The following HS3ST4 variants were observed in gnomAD, a reference collection of about 807,000 sequenced individuals.
HS3ST4 encodes heparan sulfate-glucosamine 3-sulfotransferase 4, also known as heparan sulfate glucosamine 3-O-sulfotransferase 4.
In HS3ST4, 17 loss-of-function variants were observed where a neutral mutation model predicts 29.2. The ratio of observed to expected loss-of-function variants is 0.58; its 90% CI spans 0.40 to 0.87. The LOEUF (loss-of-function observed/expected upper bound fraction) is 0.87, where lower values mean the gene tolerates loss of function less well. Ranked by LOEUF, HS3ST4 falls within the 40% of genes least tolerant of loss-of-function variation. HS3ST4 has a pLI of 0.00. For synonymous variants in HS3ST4, 314 were observed against 285.7 expected, an observed-to-expected ratio of 1.10 and a Z score of -1.00; for missense variants, 627 against 634.5, an observed-to-expected ratio of 0.99 and a Z score of 0.13.
intron 1 of HS3ST4, chr16:25,886,666 T>C (rs910060460): frequency 6.6e-6 from 1 of 152,224 alleles, no homozygotes; most frequent in African/African-American, 2.4e-5. Context: ...TTCAGGCAGA[T>C]GGAACAGCAT....
At chr16:26,027,299 GA>G (rs914117852) in intron 1 of HS3ST4, among the ~76,000 whole-genome samples, 1 of 152,148 alleles carries the variant, frequency 6.6e-6, no homozygotes, top group African/African-American at 2.4e-5. Flanking sequence ...CCATTCATAA[GA>G]AATTTCTGTG....
rs1218208149 is a variant in HS3ST4, at chr16:25,745,233, T to C, written c.734+52082T>C. Among the ~76,000 whole-genome samples, 2 of 151,814 alleles carry C rather than the reference T, an allele frequency of 1.3e-5. 1 individual carries two copies. Among genetic ancestry groups the C allele is most frequent in the Non-Finnish European group, 2.9e-5 (2 of 67,960 alleles). On this transcript the variant is annotated intron_variant, in intron 1 of 1. Transcript: ENST00000331351. ...GATGAAGGAGAGAATAATTGGAGAG[T>C]TGGGTCACTGGCAATCTTGGCCACA...
chr16:25,995,726 T>C (rs775750686), intron 1 of HS3ST4, among the ~76,000 whole-genome samples: 5 of 152,224 alleles, frequency 3.3e-5, no homozygotes, highest in Non-Finnish European at 7.3e-5. Context: ...ACTACAGTGA[T>C]CTTGAGGAAG....
rs62036320 is a variant in HS3ST4 at position 25,873,278 on chromosome 16, T to C, written c.734+180127T>C. Among the ~76,000 whole-genome samples, 167 of 110,436 alleles carry C rather than the reference T, an allele frequency of 1.5e-3. 2 individuals carry two copies. The highest frequency in any genetic ancestry group is 2.0e-3 in the East Asian group (5 of 2,466). 72.5% of individuals were successfully genotyped at this position (110,436 alleles called of 152,430 possible). On this transcript the variant is annotated intron_variant, in intron 1 of 1. Coordinates refer to ENST00000331351, the MANE Select transcript of HS3ST4 (RefSeq NM_006040.3). ...GCCATCCATCCATCCATTTGTCCAT[T>C]CATCCATCCATCCATCCATCCATCC...
intron 1 of HS3ST4, among the ~76,000 whole-genome samples, chr16:25,765,704 AGTC>A (rs1966813776): frequency 6.6e-6 from 1 of 152,150 alleles, no homozygotes; most frequent in Non-Finnish European, 1.5e-5. Flanking sequence ...TGCTTAACTT[AGTC>A]GCATCACCTG....
chr16:26,118,209 G>T (rs1203815241), intron 1 of HS3ST4, among the ~76,000 whole-genome samples: 2 of 152,134 alleles, frequency 1.3e-5, no homozygotes, highest in African/African-American at 2.4e-5. Flanking sequence ...GGGACCACAG[G>T]TGCACACCAT....
At chr16:25,850,510 AT>A (rs1334393160) in intron 1 of HS3ST4, among the ~76,000 whole-genome samples, 2 of 152,176 alleles carry the variant, frequency 1.3e-5, no homozygotes, top group Non-Finnish European at 2.9e-5. Context: ...TTACTTCTAA[AT>A]TCTGGCTCTT....
At chr16:25,873,947 C>T (rs4787338) in intron 1 of HS3ST4, among the ~76,000 whole-genome samples, 55,311 of 151,992 alleles carry the variant, frequency 0.36, 10,312 homozygotes, top group East Asian at 0.53. Context: ...CCAACACGTA[C>T]AATAGTAGCC....
intron 1 of HS3ST4, among the ~76,000 whole-genome samples, chr16:26,098,207 C>G (rs528252628): frequency 6.6e-6 from 1 of 152,222 alleles, no homozygotes; most frequent in East Asian, 1.9e-4. Context: ...CTAGAAATAC[C>G]ATTTGACCCA....
intron 1 of HS3ST4, among the ~76,000 whole-genome samples, chr16:26,079,645 T>A (rs1004311878): frequency 6.6e-6 from 1 of 152,324 alleles, no homozygotes; most frequent in Middle Eastern, 3.4e-3. Flanking sequence ...TGTCCAAAAT[T>A]ATCAGTCCAA....
At chr16:25,846,604 C>T (rs1362770494) in intron 1 of HS3ST4, among the ~76,000 whole-genome samples, 2 of 151,302 alleles carry the variant, frequency 1.3e-5, no homozygotes, top group Non-Finnish European at 2.9e-5. Context: ...TAGTATCTTT[C>T]AGCCCACAGA....
intron 1 of HS3ST4, among the ~76,000 whole-genome samples, chr16:25,824,174 G>A (rs753317338): frequency 3.3e-5 from 5 of 152,164 alleles, no homozygotes; most frequent in Non-Finnish European, 5.9e-5. Flanking sequence ...AAACAGGGAG[G>A]TCTGCTGATA....
At chr16:25,988,686 A>G (rs1452138263) in intron 1 of HS3ST4, among the ~76,000 whole-genome samples, 1 of 152,148 alleles carries the variant, frequency 6.6e-6, no homozygotes, top group Non-Finnish European at 1.5e-5. Flanking sequence ...ATAGAGGGGA[A>G]CAACACACAC....
At chr16:26,002,268 A>G (rs1377080467) in intron 1 of HS3ST4, among the ~76,000 whole-genome samples, 1 of 152,158 alleles carries the variant, frequency 6.6e-6, no homozygotes, top group African/African-American at 2.4e-5. Context: ...TGTTTTGGGA[A>G]TGGCTGGTAT....
At chr16:25,840,417 A>G (rs1196202692) in intron 1 of HS3ST4, among the ~76,000 whole-genome samples, 2 of 152,194 alleles carry the variant, frequency 1.3e-5, no homozygotes, top group Admixed American at 6.5e-5. Context: ...TGACTGTTCC[A>G]CCAAAGGGTG....
intron 1 of HS3ST4, among the ~76,000 whole-genome samples, chr16:25,860,244 C>T (rs1967623023): frequency 6.6e-6 from 1 of 152,220 alleles, no homozygotes; most frequent in Non-Finnish European, 1.5e-5. Flanking sequence ...TAGGAACTCT[C>T]ATTCATTGCT....
Position 26,077,456 on chromosome 16 carries a change from A to C in HS3ST4, c.735-58156A>C, listed in dbSNP as rs138829734. 3.5e-3 allele frequency among the ~76,000 whole-genome samples: 538 copies of C among 152,304 alleles called. 2 individuals carry two copies. Among genetic ancestry groups the C allele is most frequent in the African/African-American group, 0.01 (428 of 41,568 alleles). On this transcript the variant is annotated intron_variant, in intron 1 of 1. Transcript: ENST00000331351. ...TTTCAGCTCCTGATCACCTTTTACAATAGGCTGTATTGCCGTCATGCTTTC... is the reference window on the plus strand; with the variant it reads ...TTTCAGCTCCTGATCACCTTTTACACTAGGCTGTATTGCCGTCATGCTTTC...
At chr16:26,053,232 C>G (rs1348466871) in intron 1 of HS3ST4, among the ~76,000 whole-genome samples, 1 of 152,200 alleles carries the variant, frequency 6.6e-6, no homozygotes, top group Non-Finnish European at 1.5e-5. Flanking sequence ...CTATAATGAT[C>G]TGTGAGAGCA....
chr16:25,790,300 C>T (rs1966866011), intron 1 of HS3ST4, among the ~76,000 whole-genome samples: 2 of 152,140 alleles, frequency 1.3e-5, no homozygotes, highest in South Asian at 2.1e-4. Flanking sequence ...ATCCCATCTA[C>T]TCAGAGGCTG....
Sources: gnomAD v4.1 joint callset for allele counts (sites outside exome capture counted in the v4.1 genomes callset) on GRCh38, gnomAD v4.1.1 for gene constraint, MANE v1.5 for transcripts, NCBI Gene and HGNC (gene_info 2026-07-23, HGNC 2026-07-21) for gene names.